The following CACNA2D1 variants were observed in gnomAD, a reference collection of about 807,000 sequenced individuals.
The protein encoded by CACNA2D1 is calcium voltage-gated channel auxiliary subunit alpha2delta 1.
In CACNA2D1, 53 loss-of-function variants were observed where a neutral mutation model predicts 171.5. That is an observed-to-expected ratio of 0.31 (90% confidence interval 0.25 to 0.39). CACNA2D1 has a LOEUF of 0.39. Ranked by LOEUF, CACNA2D1 falls within the 10% of genes least tolerant of loss-of-function variation. The pLI is 1.00. For synonymous variants in CACNA2D1, 442 were observed against 443.1 expected, an observed-to-expected ratio of 1.00 and a Z score of 0.03; for missense variants, 903 against 1,299.8, an observed-to-expected ratio of 0.69 and a Z score of 4.69.
At chr7:82,150,920 A>C (rs1793791955) in intron 4 of CACNA2D1, among the ~76,000 whole-genome samples, 1 of 152,158 alleles carries the variant, frequency 6.6e-6, no homozygotes, top group Non-Finnish European at 1.5e-5. Flanking sequence ...AATTGCTTGG[A>C]AACAAAAATT....
At chr7:81,968,048 T>C (rs1794895291) in intron 29 of CACNA2D1, among the ~76,000 whole-genome samples, 1 of 151,262 alleles carries the variant, frequency 6.6e-6, no homozygotes, top group African/African-American at 2.4e-5. Flanking sequence ...GATGAGTAGG[T>C]GGGTTAGTAG....
At chr7:82,268,725 CAAA>C (rs3839794) in intron 3 of CACNA2D1, among the ~76,000 whole-genome samples, 37 of 138,676 alleles carry the variant, frequency 2.7e-4, no homozygotes, top group Non-Finnish European at 3.5e-4. Flanking sequence ...TACCTGAGAC[CAAA>C]AAAAAAAAAA....
chr7:82,324,937 G>A (rs1348999892), intron 3 of CACNA2D1, among the ~76,000 whole-genome samples: 2 of 152,212 alleles, frequency 1.3e-5, no homozygotes, highest in Non-Finnish European at 2.9e-5. Flanking sequence ...ATATATTAAG[G>A]TGTAAAGGGC....
intron 4 of CACNA2D1, among the ~76,000 whole-genome samples, chr7:82,149,772 C>CAAAAAAAAAACAAACAAACAACA (rs1793576687): frequency 1.1e-5 from 1 of 90,562 alleles, no homozygotes; most frequent in South Asian, 3.6e-4. Flanking sequence ...ACTAAAAATA[C>CAAAAAAAAAACAAACAAACAACA]AAAAAAAAAA....
Position 82,117,139 on chromosome 7 carries a change from C to T in CACNA2D1, c.431G>A (p.Arg144Lys). The change falls in exon 6 of 39, where the codon AGG becomes AAG. Residue 144 changes from arginine (R) to lysine (K), a missense_variant. Physicochemically the swap from Arg to Lys is conservative, Grantham distance 26. Around this residue, in one of 5 missense-constraint regions of CACNA2D1, gnomAD observed 189 missense variants for 266.8 expected, o/e 0.71. Coordinates refer to ENST00000356860, the MANE Select transcript of CACNA2D1 (RefSeq NM_000722.4). ...ATCTTCAATGAAAACAGGTTTTATC[C>T]TCTGGCTGCCTGGCTCACTGTCATT... ...EKNDSEPGSQ[R>K]IKPVFIEDAN... 6.2e-7 allele frequency: 1 copy of T among 1,613,774 alleles called. No homozygotes were observed. Among genetic ancestry groups the T allele is most frequent in the Non-Finnish European group, 8.5e-7 (1 of 1,179,834 alleles).
chr7:82,339,380 T>G (rs1426970627), intron 2 of CACNA2D1, among the ~76,000 whole-genome samples: 2 of 152,202 alleles, frequency 1.3e-5, no homozygotes, highest in African/African-American at 2.4e-5. Flanking sequence ...CCATGGAAAT[T>G]GTCTTGGACA....
At chr7:82,157,249 CA>C (rs1217351792) in intron 4 of CACNA2D1, among the ~76,000 whole-genome samples, 4 of 151,996 alleles carry the variant, frequency 2.6e-5, no homozygotes, top group African/African-American at 7.2e-5. Context: ...TGAAAAGAAA[CA>C]AAATCAAGTA....
chr7:82,003,360 A>G (rs1310330423), intron 18 of CACNA2D1, among the ~76,000 whole-genome samples: 1 of 152,030 alleles, frequency 6.6e-6, no homozygotes, highest in Non-Finnish European at 1.5e-5. Flanking sequence ...GAAAAATATC[A>G]ATTGGGCTTT....
At position 82,119,459 on chromosome 7, in the gene CACNA2D1, G is replaced by A. The variant is rs540807152; in HGVS notation, c.397-2286C>T. Among the ~76,000 whole-genome samples, 506 of 152,204 alleles carry A rather than the reference G, an allele frequency of 3.3e-3. 6 individuals are homozygous for A. Among genetic ancestry groups the A allele is most frequent in the South Asian group, 0.028 (137 of 4,830 alleles). On this transcript the variant is annotated intron_variant, in intron 5 of 38. Coordinates refer to ENST00000356860, the MANE Select transcript of CACNA2D1 (RefSeq NM_000722.4). ...TCAATTTTACAACCAGTGCATATTA[G>A]CAAATTTAATTTGGAAAGTCATAAT...
chr7:81,983,412 T>G (rs2078831006), intron 22 of CACNA2D1, 78 bp from the exon 23 acceptor site: 1 of 1,013,886 alleles, frequency 9.9e-7, no homozygotes. Flanking sequence ...ATAAACAATA[T>G]TTTATTCAAT....
chr7:82,192,460 T>TTGTG (rs200160135), intron 3 of CACNA2D1, among the ~76,000 whole-genome samples: 45 of 136,756 alleles, frequency 3.3e-4, no homozygotes, highest in Middle Eastern at 7.7e-3. Context: ...GTGTTTGTGT[T>TTGTG]TGTGTGTGTG....
chr7:82,304,027 A>C (rs1289165303), intron 3 of CACNA2D1, among the ~76,000 whole-genome samples: 1 of 152,164 alleles, frequency 6.6e-6, no homozygotes, highest in African/African-American at 2.4e-5. Flanking sequence ...AAAAATGGGC[A>C]GAGGACATGA....
At chr7:82,328,420 T>A (rs1017680041) in intron 3 of CACNA2D1, among the ~76,000 whole-genome samples, 5 of 152,176 alleles carry the variant, frequency 3.3e-5, no homozygotes, top group African/African-American at 1.2e-4. Context: ...TAGATTTTAT[T>A]CCTCAGTAAT....
chr7:82,425,962 CT>C (rs1243854991), intron 1 of CACNA2D1, among the ~76,000 whole-genome samples: 4 of 150,786 alleles, frequency 2.7e-5, no homozygotes, highest in Admixed American at 6.6e-5. Context: ...AACCCCGTCT[CT>C]TACTAAAAAT....
intron 3 of CACNA2D1, among the ~76,000 whole-genome samples, chr7:82,305,749 T>C (rs1476570994): frequency 6.6e-6 from 1 of 152,206 alleles, no homozygotes; most frequent in Non-Finnish European, 1.5e-5. Context: ...TCCTATTAAT[T>C]TGCTTTTCGT....
intron 3 of CACNA2D1, among the ~76,000 whole-genome samples, chr7:82,213,615 C>G (rs1334758891): frequency 6.6e-6 from 1 of 152,130 alleles, no homozygotes; most frequent in East Asian, 1.9e-4. Flanking sequence ...TTGATTATGC[C>G]ACTCTCCTGC....
In CACNA2D1 at chr7:82,285,939, A is replaced by G. The variant is rs569141129; in HGVS notation, c.294+49196T>C. On this transcript the variant is annotated intron_variant, in intron 3 of 38. Transcript: ENST00000356860. ...TGTAGATCAATGATTAAAAAGCCAC[A>G]GATGGATTCCAGTGAATTACTCCTG... Among the ~76,000 whole-genome samples, 8 of 152,316 alleles carry G rather than the reference A, an allele frequency of 5.3e-5. No individual in the cohort carries two copies. In the South Asian group the frequency reaches 1.2e-3, roughly 24 times the overall value.
intron 10 of CACNA2D1, among the ~76,000 whole-genome samples, chr7:82,051,314 G>A (rs1165230023): frequency 2.0e-5 from 3 of 152,098 alleles, no homozygotes; most frequent in Non-Finnish European, 4.4e-5. Flanking sequence ...ATTTAGCTAT[G>A]GTTCTTCACT....
At position 81,955,960 on chromosome 7, in the gene CACNA2D1, CTATATA is replaced by C. The variant is rs764892530; in HGVS notation, c.3159+3309_3159+3314del. On this transcript the variant is annotated intron_variant, in intron 38 of 38. Transcript: ENST00000356860. ...TAAAAAGATTTTAAAGTCACTGTTG[CTATATA>C]TATATATATATATATTTTTTTTTTT... is the stretch of plus-strand genomic sequence containing the variant. 1.5e-3 allele frequency among the ~76,000 whole-genome samples: 96 copies of C among 65,838 alleles called. 2 individuals carry two copies. Among genetic ancestry groups the C allele is most frequent in the East Asian group, 6.3e-3 (11 of 1,750 alleles). The allele number at this position is 65,838 out of a possible 152,430, so 43.2% of individuals were successfully genotyped here.
Sources: allele counts gnomAD v4.1 joint callset (sites outside exome capture counted in the v4.1 genomes callset), GRCh38; gene constraint gnomAD v4.1.1; regional missense constraint gnomAD v4.1.1; transcripts MANE v1.5; gene names NCBI Gene and HGNC (gene_info 2026-07-23, HGNC 2026-07-21).